Variants in BIN1 observed in about 807,000 individuals in gnomAD.
BIN1 encodes myc box-dependent-interacting protein 1.
A neutral mutation model predicts 82.0 loss-of-function variants in BIN1; 53 were observed. The observed-to-expected ratio is 0.65, with a 90% CI of 0.52 to 0.81. BIN1 has a LOEUF of 0.81. Ranked by LOEUF, BIN1 falls within the 40% of genes least tolerant of loss-of-function variation. BIN1 has a pLI of 0.00. For missense variants in BIN1, 642 were observed against 784.4 expected (o/e 0.82, Z 2.17); for synonymous variants, 302 against 328.0 (o/e 0.92, Z 0.86).
intron 7 of BIN1, among the ~76,000 whole-genome samples, chr2:127,066,117 C>T (rs1378682366): frequency 6.6e-6 from 1 of 152,156 alleles, no homozygotes; most frequent in Non-Finnish European, 1.5e-5. Context: ...ACTATCTCCC[C>T]AAAGTCAAGT....
rs771017384 is a variant in BIN1 at position 127,050,517 on chromosome 2, C to T, written c.1578G>A (p.Gln526=). 3 of 1,614,136 alleles carry T rather than the reference C, an allele frequency of 1.9e-6. No individual in the cohort carries two copies. Among genetic ancestry groups the T allele is most frequent in the Non-Finnish European group, 2.5e-6 (3 of 1,180,058 alleles). The change falls in exon 18 of 19, where the codon CAG becomes CAA. Residue 526 remains glutamine, a synonymous_variant. Coordinates refer to ENST00000316724, the MANE Select transcript of BIN1 (RefSeq NM_139343.3). ...CAGTGGCCGTGTAGTCGTGCTGGGC[C>T]TGTACCTGCAGAGGATGCGGATCGC... is the stretch of plus-strand genomic sequence containing the variant. ...DLPPGFMFKV[Q]AQHDYTATDT...
rs189326289 is a variant in BIN1, at chr2:127,075,277, C to G, written c.165+1349G>C. Among the ~76,000 whole-genome samples the G allele has an allele frequency of 4.6e-5, 7 of 152,350 alleles. No individual in the cohort carries two copies. In the East Asian group the frequency reaches 1.2e-3, roughly 25 times the overall value. ...TAGATCTCTGTCAAACACAGCAGCT[C>G]TGGCCCATGGCCACAGCAACTCCCT... On this transcript the variant is annotated intron_variant, in intron 2 of 18. Coordinates refer to ENST00000316724, the MANE Select transcript of BIN1 (RefSeq NM_139343.3).
intron 1 of BIN1, among the ~76,000 whole-genome samples, chr2:127,080,866 C>CCTCGGCTGTG (rs1281823875): frequency 6.6e-6 from 1 of 152,230 alleles, no homozygotes; most frequent in African/African-American, 2.4e-5. Context: ...CCTCGCTGGG[C>CCTCGGCTGTG]CTCGGCTGTG....
chr2:127,049,647 G>A (rs1002920999), intron 18 of BIN1, among the ~76,000 whole-genome samples: 2 of 152,226 alleles, frequency 1.3e-5, no homozygotes, highest in Admixed American at 6.5e-5. Flanking sequence ...GGGCTGAGCC[G>A]TGGAGGAAGC....
intron 5 of BIN1, 122 bp downstream of exon 5, chr2:127,069,873 G>C: frequency 1.0e-6 from 1 of 994,928 alleles, no homozygotes; most frequent in South Asian, 1.5e-5. Context: ...TGAAACACCG[G>C]GCCAGGCGCT....
At chr2:127,102,706 G>T (rs1449788585) in intron 1 of BIN1, among the ~76,000 whole-genome samples, 1 of 152,194 alleles carries the variant, frequency 6.6e-6, no homozygotes, top group Admixed American at 6.5e-5. Context: ...AACCTCCCAT[G>T]CCCACACGCC....
chr2:127,103,363 C>T (rs1680597954), intron 1 of BIN1, among the ~76,000 whole-genome samples: 1 of 152,150 alleles, frequency 6.6e-6, no homozygotes. Flanking sequence ...TGCATCAAGG[C>T]TCTAGGAATC....
chr2:127,063,836 C>A, intron 8 of BIN1, 97 bp downstream of exon 8: 1 of 1,531,118 alleles, frequency 6.5e-7, no homozygotes, highest in South Asian at 1.1e-5. Context: ...CTGGACACCG[C>A]AGCACGCAGG....
rs754832595 is a variant in BIN1, at chr2:127,068,192, C to T, written c.583G>A (p.Val195Ile). The change falls in exon 7 of 19, where the codon GTA (valine) becomes ATA (isoleucine). Residue 195 changes from valine (V) to isoleucine (I), a missense_variant. Val to Ile is a conservative substitution (Grantham distance 29, BLOSUM62 3). Transcript: ENST00000316724. The surrounding 1 kb of genome is among the most constrained non-coding windows in gnomAD (Gnocchi z 4.9). ...TTTCGGAGCAGGTTAGTTTGAGCTA[C>T]GAGATGAGCCTGCAGTTTGCCTTGG... ...WCQGKLQAHL[V>I]AQTNLLRNQA... 5 of 1,613,764 alleles carry T rather than the reference C, an allele frequency of 3.1e-6. No individual in the cohort carries two copies. Among genetic ancestry groups the T allele is most frequent in the Admixed American group, 1.7e-5 (1 of 60,008 alleles).
intron 10 of BIN1, 29 bp downstream of exon 10, chr2:127,062,085 CA>C (rs1287161528): frequency 1.5e-5 from 23 of 1,578,420 alleles, no homozygotes; most frequent in East Asian, 6.9e-5. Context: ...TGCACACAGT[CA>C]GGGGCGCCAG....
Position 127,103,745 on chromosome 2 carries a change from C to G in BIN1, c.84+3115G>C, listed in dbSNP as rs529551467. ...GCCCAGCCTGCCAACCTCTAATCCTCCCCGTCATCTGACCCAGGCTCCACC... is the reference window on the plus strand; with the variant it reads ...GCCCAGCCTGCCAACCTCTAATCCTGCCCGTCATCTGACCCAGGCTCCACC... On this transcript the variant is annotated intron_variant, in intron 1 of 18. Coordinates refer to ENST00000316724, the MANE Select transcript of BIN1 (RefSeq NM_139343.3). Among the ~76,000 whole-genome samples the G allele has an allele frequency of 1.5e-4, 23 of 152,358 alleles. No homozygotes were observed. In the South Asian group the frequency reaches 4.8e-3, roughly 32 times the overall value.
chr2:127,056,919 T>C (rs1683753060), intron 12 of BIN1, among the ~76,000 whole-genome samples: 1 of 152,156 alleles, frequency 6.6e-6, no homozygotes, highest in South Asian at 2.1e-4. Context: ...GCGTGGCTCC[T>C]TGCTGAGCCA....
At chr2:127,053,681 G>A in intron 13 of BIN1, 1 of 718,524 alleles carries the variant, frequency 1.4e-6, no homozygotes. Flanking sequence ...TGAGCACAAA[G>A]TTGCCAGGAA....
Position 127,068,250 on chromosome 2 carries a change from G to C in BIN1, c.525C>G (p.Val175=). Reference sequence around the variant, plus strand: ...GGGGGGCGGCTTTCTCAAGCAGCGAGACAGGCTGGGGTGGGGAGGTCAAGG... The same window carrying C: ...GGGGGGCGGCTTTCTCAAGCAGCGACACAGGCTGGGGTGGGGAGGTCAAGG... ...KKDEAKIAKP[V]SLLEKAAPQW... is the part of the protein sequence containing the mutation. Residue 175 remains valine, a synonymous_variant, in exon 7 of 19, where the codon GTC becomes GTG. Coordinates refer to ENST00000316724, the MANE Select transcript of BIN1 (RefSeq NM_139343.3). The surrounding 1 kb of genome is among the most constrained non-coding windows in gnomAD (Gnocchi z 4.9). The C allele has an allele frequency of 6.2e-7, 1 of 1,612,380 alleles. No homozygotes were observed. The highest frequency in any genetic ancestry group is 1.1e-5 in the South Asian group (1 of 91,008).
intron 2 of BIN1, among the ~76,000 whole-genome samples, chr2:127,073,403 T>C (rs1056909888): frequency 1.3e-5 from 2 of 152,182 alleles, no homozygotes; most frequent in Admixed American, 1.3e-4. Context: ...TGGGGGAAGA[T>C]AAGATTCGGG....
intron 1 of BIN1, among the ~76,000 whole-genome samples, chr2:127,086,254 C>T (rs1179080793): frequency 6.6e-6 from 1 of 152,206 alleles, no homozygotes; most frequent in African/African-American, 2.4e-5. Flanking sequence ...CAACTTTTGA[C>T]TCCCAAACTG....
rs78308373 is a variant in BIN1 at position 127,053,112 on chromosome 2, A to G, written c.1263+310T>C. 2,593 of 480,460 alleles carry G rather than the reference A, an allele frequency of 5.4e-3. 48 individuals carry two copies. The highest frequency in any genetic ancestry group is 0.047 in the African/African-American group (2,383 of 51,056). The allele number at this position is 480,460 out of a possible 1,614,324, so 29.8% of individuals were successfully genotyped here. On this transcript the variant is annotated intron_variant, in intron 14 of 18. Coordinates refer to ENST00000316724, the MANE Select transcript of BIN1 (RefSeq NM_139343.3). ...TGAGGACACTCGTCCATCCTGGGTG[A>G]CCGGCCCACTTCTGTCTGGAGGCAA...
intron 1 of BIN1, among the ~76,000 whole-genome samples, chr2:127,091,516 G>A (rs988299855): frequency 1.4e-4 from 22 of 152,246 alleles, no homozygotes; most frequent in African/African-American, 5.1e-4. Context: ...CCCAGAAGTA[G>A]GAAATCAAGG....
rs890054147 is a variant in BIN1 at position 127,052,117 on chromosome 2, C to A, written c.1371+138G>T. The A allele has an allele frequency of 1.2e-5, 12 of 971,710 alleles. No individual in the cohort carries two copies. The East Asian group carries it at 3.1e-4, about 25-fold the overall frequency. 60.2% of individuals were successfully genotyped at this position (971,710 alleles called of 1,614,324 possible). A position where few individuals can be genotyped will look rare whatever the true frequency, so the allele number is the denominator to read the frequency against. ...GGTGACAAGCCCGTGCTGGGGCAGCCTAGCTCAGGACCCTGTCCTCACCCT... is the reference window on the plus strand; with the variant it reads ...GGTGACAAGCCCGTGCTGGGGCAGCATAGCTCAGGACCCTGTCCTCACCCT... On this transcript the variant is annotated intron_variant, in intron 15 of 18. Transcript: ENST00000316724.
Sources: allele counts gnomAD v4.1 joint callset (sites outside exome capture counted in the v4.1 genomes callset), GRCh38; gene constraint gnomAD v4.1.1; non-coding constraint Gnocchi (gnomAD v3.1); transcripts MANE v1.5; gene names NCBI Gene and HGNC (gene_info 2026-07-23, HGNC 2026-07-21).